Variants in GIT1 observed in about 807,000 individuals in gnomAD.
GIT1 encodes GIT ArfGAP 1.
GIT1 carries 14 observed loss-of-function variants against 91.7 expected under a neutral mutation model. That is an observed-to-expected ratio of 0.15 (90% CI 0.10 to 0.24). The LOEUF (loss-of-function observed/expected upper bound fraction) is 0.24. Ranked by LOEUF, GIT1 falls within the 10% of genes least tolerant of loss-of-function variation. The pLI, the probability that GIT1 is intolerant of heterozygous loss-of-function variation, is 1.00. For synonymous variants in GIT1, 414 were observed against 418.2 expected, an observed-to-expected ratio of 0.99 and a Z score of 0.12; for missense variants, 717 against 1,024.9, an observed-to-expected ratio of 0.70 and a Z score of 4.10.
At chr17:29,583,775 G>A in intron 1 of GIT1, 159 bp from the exon 2 acceptor site, 1 of 756,118 alleles carries the variant, frequency 1.3e-6, no homozygotes, top group Non-Finnish European at 2.1e-6. Flanking sequence ...CAGGTTACCA[G>A]TGAGGGATCT....
At chr17:29,576,153 G>A (rs2033189164) in intron 14 of GIT1, 22 bp from the exon 15 acceptor site, 5 of 1,613,056 alleles carry the variant, frequency 3.1e-6, no homozygotes, top group Middle Eastern at 1.6e-4. Flanking sequence ...AGCACAGCGA[G>A]CGTCATGGTG....
Position 29,575,233 on chromosome 17 carries a change from C to T in GIT1, c.2009+55G>A. 1 of 1,569,040 alleles carries T rather than the reference C, an allele frequency of 6.4e-7. No homozygotes were observed. The highest frequency in any genetic ancestry group is 8.7e-7 in the Non-Finnish European group (1 of 1,150,368). On this transcript the variant is annotated intron_variant, in intron 18 of 19. Coordinates refer to ENST00000225394, the MANE Select transcript of GIT1 (RefSeq NM_014030.4). This position sits in a 1 kb window ranked among gnomAD's most constrained non-coding sequence, Gnocchi z 5.5. ...CCAGGGCCCCTCATGCTCTCTGCAACACCCTAGAAGCCAACAGGAACTGCA... is the reference window on the plus strand; with the variant it reads ...CCAGGGCCCCTCATGCTCTCTGCAATACCCTAGAAGCCAACAGGAACTGCA...
chr17:29,579,770 C>T (rs1192134762), intron 7 of GIT1, among the ~76,000 whole-genome samples: 2 of 152,028 alleles, frequency 1.3e-5, no homozygotes, highest in African/African-American at 2.4e-5. Context: ...CTTATCTAAT[C>T]CTCTCCTCCC....
Position 29,574,855 on chromosome 17 carries a change from C to T in GIT1, c.2133G>A (p.Arg711=). Residue 711 remains arginine, a synonymous_variant, in exon 20 of 20, where the codon CGG becomes CGA. Transcript: ENST00000225394. ...SLRLLNASAY[R]LQSECRKTVP... is the part of the protein sequence containing the mutation. ...CTGTCTTCCGGCACTCACTCTGCAG[C>T]CGGTAGGCGCTGGCGTTGAGCAGCC... 6.3e-7 allele frequency: 1 copy of T among 1,598,602 alleles called. No homozygotes were observed. The highest frequency in any genetic ancestry group is 2.2e-5 in the East Asian group (1 of 44,486).
chr17:29,578,956 A>ATAT, intron 7 of GIT1, 177 bp from the exon 8 acceptor site: 1 of 1,613,784 alleles, frequency 6.2e-7, no homozygotes, highest in Non-Finnish European at 8.5e-7. Flanking sequence ...GGCAGGCACC[A>ATAT]TATACCTCTG....
chr17:29,586,761 C>T (rs1348482989), intron 1 of GIT1, among the ~76,000 whole-genome samples: 1 of 152,190 alleles, frequency 6.6e-6, no homozygotes, highest in Admixed American at 6.5e-5. Context: ...AGGCCCTTGA[C>T]TGAGATCGTG....
At chr17:29,578,644 G>T in intron 8 of GIT1, 87 bp downstream of exon 8, 1 of 1,225,162 alleles carries the variant, frequency 8.2e-7, no homozygotes, top group Non-Finnish European at 1.2e-6. Context: ...AGGTCATCGA[G>T]TCAGAGGCAG....
At chr17:29,580,581 C>T (rs1297358855) in intron 7 of GIT1, among the ~76,000 whole-genome samples, 1 of 152,194 alleles carries the variant, frequency 6.6e-6, no homozygotes, top group Non-Finnish European at 1.5e-5. Context: ...CCTCATTCAA[C>T]CAGCCTCAGC....
chr17:29,584,856 A>G (rs2033534311), intron 1 of GIT1, among the ~76,000 whole-genome samples: 1 of 150,922 alleles, frequency 6.6e-6, no homozygotes, highest in Non-Finnish European at 1.5e-5. Context: ...AATTGAGGAG[A>G]CTCTGAGTCA....
intron 4 of GIT1, 124 bp downstream of exon 4, chr17:29,582,574 C>T: frequency 1.5e-6 from 1 of 689,316 alleles, no homozygotes; most frequent in African/African-American, 1.8e-5. Context: ...ACCCTGTCTA[C>T]TGTTACCCTG....
At chr17:29,580,275 C>T (rs1433610174) in intron 7 of GIT1, among the ~76,000 whole-genome samples, 1 of 152,236 alleles carries the variant, frequency 6.6e-6, no homozygotes, top group Non-Finnish European at 1.5e-5. Flanking sequence ...TTACCATACA[C>T]ATGCACGCAT....
intron 1 of GIT1, among the ~76,000 whole-genome samples, chr17:29,585,198 G>C (rs1293877756): frequency 1.3e-5 from 2 of 152,044 alleles, no homozygotes; most frequent in African/African-American, 4.8e-5. Context: ...CAAATAGTGA[G>C]GCACCCCAGG....
intron 12 of GIT1, 82 bp downstream of exon 12, chr17:29,576,781 G>C: frequency 6.3e-7 from 1 of 1,576,390 alleles, no homozygotes; most frequent in Non-Finnish European, 8.6e-7. Flanking sequence ...TCAGGCCCCT[G>C]GGCTACAAGA....
In GIT1 at chr17:29,576,660, C is replaced by T. The variant is rs143219325; in HGVS notation, c.1242G>A (p.Ser414=). The change falls in exon 13 of 20, where the codon TCG becomes TCA. Residue 414 remains serine (S), a synonymous_variant. Coordinates refer to ENST00000225394, the MANE Select transcript of GIT1 (RefSeq NM_014030.4). ...GCGTCACAGCCCCGTCAGACAAGTCCGAGGAGTCCATGCTCTGCAGAGAGA... is the reference window on the plus strand; with the variant it reads ...GCGTCACAGCCCCGTCAGACAAGTCTGAGGAGTCCATGCTCTGCAGAGAGA... The part of the protein sequence containing the change: ...RSNRARSMDS[S]DLSDGAVTLQ... 2.7e-5 allele frequency: 44 copies of T among 1,613,826 alleles called. No individual in the cohort carries two copies. In the African/African-American group the frequency reaches 3.9e-4, roughly 14 times the overall value.
chr17:29,576,027 C>G lies in GIT1; in HGVS notation c.1665+51G>C, dbSNP rs763027942. 13 of 1,592,018 alleles carry G rather than the reference C, an allele frequency of 8.2e-6. No homozygotes were observed. The African/African-American group carries it at 9.4e-5, about 12-fold the overall frequency. On this transcript the variant is annotated intron_variant, in intron 15 of 19. Coordinates refer to ENST00000225394, the MANE Select transcript of GIT1 (RefSeq NM_014030.4). ...AATTCAGCACAGAGCCCAGAACCCC[C>G]TGGGGCTCAGAACCTACTGGCTAAG...
At chr17:29,587,445 A>C (rs2033627264) in intron 1 of GIT1, among the ~76,000 whole-genome samples, 1 of 152,138 alleles carries the variant, frequency 6.6e-6, no homozygotes, top group Admixed American at 6.5e-5. Context: ...ATTGTGAATC[A>C]GGGGAAAGGA....
In GIT1 at chr17:29,576,356, G is replaced by T; in HGVS notation, c.1475C>A (p.Pro492His). Residue 492 changes from proline to histidine, a missense_variant, in exon 14 of 20, where the codon CCC becomes CAC. Physicochemically the swap from Pro to His is moderately conservative, Grantham distance 77. Around this residue, in one of 3 missense-constraint regions of GIT1, gnomAD observed 312 missense variants for 349.5 expected, o/e 0.89. Coordinates refer to ENST00000225394, the MANE Select transcript of GIT1 (RefSeq NM_014030.4). ...GTGTGTGCTCCCGCCTGGCGCCATG[G>T]GTGTGTGTTCCGCCCGTTCACTGGG... ...PLPSERAEHT[P>H]MAPGGSTHRR... The T allele has an allele frequency of 6.2e-7, 1 of 1,613,442 alleles. No individual in the cohort carries two copies. The highest frequency in any genetic ancestry group is 8.5e-7 in the Non-Finnish European group (1 of 1,179,974).
In GIT1 at chr17:29,575,357, A is replaced by G. The variant is rs1028262975; in HGVS notation, c.1940T>C (p.Leu647Ser). The change falls in exon 18 of 20, where the codon TTG (leucine) becomes TCG (serine). Residue 647 changes from leucine (L) to serine (S), a missense_variant. Physicochemically the swap from Leu to Ser is moderately radical, Grantham distance 145. Transcript: ENST00000225394. The surrounding 1 kb of genome is among the most constrained non-coding windows in gnomAD (Gnocchi z 5.5). ...GTTCTTGGTGACCTGCTCTGTCTTC[A>G]AGATGACATCCTCTGTGCTGGGAAG... ...PGLPSTEDVI[L>S]KTEQVTKNIQ... The G allele has an allele frequency of 3.7e-6, 6 of 1,613,546 alleles. No homozygotes were observed. The highest frequency in any genetic ancestry group is 5.1e-6 in the Non-Finnish European group (6 of 1,179,890).
Position 29,575,248 on chromosome 17 carries a change from C to T in GIT1, c.2009+40G>A, listed in dbSNP as rs575569631. ...CTCTCTGCAACACCCTAGAAGCCAA[C>T]AGGAACTGCATCCCCCTCACCTCCC... On this transcript the variant is annotated intron_variant, in intron 18 of 19. Transcript: ENST00000225394. This position sits in a 1 kb window ranked among gnomAD's most constrained non-coding sequence, Gnocchi z 5.5. 9 of 1,584,978 alleles carry T rather than the reference C, an allele frequency of 5.7e-6. No individual in the cohort carries two copies. Among genetic ancestry groups the T allele is most frequent in the African/African-American group, 4.0e-5 (3 of 74,436 alleles).
Sources: gnomAD v4.1 joint callset for allele counts (sites outside exome capture counted in the v4.1 genomes callset) on GRCh38, gnomAD v4.1.1 for gene constraint, gnomAD v4.1.1 regional missense constraint, Gnocchi (gnomAD v3.1) non-coding constraint, MANE v1.5 for transcripts, NCBI Gene and HGNC (gene_info 2026-07-23, HGNC 2026-07-21) for gene names.